Variants in CFAP74 observed in about 807,000 individuals in gnomAD.
The protein encoded by CFAP74 is cilia and flagella associated protein 74.
CFAP74 carries 124 observed loss-of-function variants against 188.9 expected under a neutral mutation model. That is an observed-to-expected ratio of 0.66 (90% CI 0.57 to 0.76). The LOEUF (loss-of-function observed/expected upper bound fraction) is 0.76. CFAP74 is among the 30% of genes least tolerant of loss of function. The pLI is 0.00. For missense variants in CFAP74, 2,198 were observed against 2,165.2 expected, an observed-to-expected ratio of 1.02 and a Z score of -0.30; for synonymous variants, 956 against 916.7, an observed-to-expected ratio of 1.04 and a Z score of -0.77.
In CFAP74 at chr1:1,923,416, G is replaced by A. The variant is rs142831649; in HGVS notation, c.4473C>T (p.Pro1491=). The change falls in exon 36 of 39, where the codon CCC becomes CCT. Residue 1491 remains proline, a synonymous_variant. Coordinates refer to ENST00000682832, the MANE Select transcript of CFAP74 (RefSeq NM_001304360.2). The surrounding 1 kb of genome is among the most constrained non-coding windows in gnomAD (Gnocchi z 6.3). ...CAGGGATCGCTGTCAGAGACTCCACGGGCACGTCCAGGGGGTCGCCGCCCT... is the reference window on the plus strand; with the variant it reads ...CAGGGATCGCTGTCAGAGACTCCACAGGCACGTCCAGGGGGTCGCCGCCCT... ...FVEGGDPLDV[P]VESLTAIPVF... 16,388 of 1,599,954 alleles carry A rather than the reference G, an allele frequency of 0.01. 90 individuals carry two copies. Among genetic ancestry groups the A allele is most frequent in the Non-Finnish European group, 0.012 (14,287 of 1,174,590 alleles).
At chr1:1,979,882 G>A (rs1388090109) in intron 6 of CFAP74, among the ~76,000 whole-genome samples, 1 of 141,682 alleles carries the variant, frequency 7.1e-6, no homozygotes, top group Non-Finnish European at 1.5e-5. Flanking sequence ...CAGAACACAC[G>A]TGTCGTGCTG....
In CFAP74 at chr1:1,987,030, TC is replaced by T; in HGVS notation, c.301del (p.Glu101SerfsTer11). On this transcript the variant is annotated frameshift_variant, in exon 5 of 39. Transcript: ENST00000682832. LOFTEE classifies it high-confidence loss of function. ...CCGCCTCTGCCGACAGGCGCGCAGCTCCCCTCTGGAACAGGGAAACAAAGGT... is the reference window on the plus strand; with the variant it reads ...CCGCCTCTGCCGACAGGCGCGCAGCTCCCTCTGGAACAGGGAAACAAAGGT... ...QELFTEKMRG[E>X]LRACRQRRDL... 6.3e-7 allele frequency: 1 copy of T among 1,596,544 alleles called. No individual in the cohort carries two copies.
chr1:1,971,329 ACCTG>A (rs1292389651), intron 9 of CFAP74, among the ~76,000 whole-genome samples: 5 of 150,508 alleles, frequency 3.3e-5, no homozygotes, highest in African/African-American at 1.2e-4. Flanking sequence ...ACACTTGCAC[ACCTG>A]CACACACGTG....
Position 1,939,733 on chromosome 1 carries a change from A to G in CFAP74, c.2738T>C (p.Val913Ala). 6.5e-7 allele frequency: 1 copy of G among 1,536,116 alleles called. No homozygotes were observed. The change falls in exon 24 of 39, where the codon GTC (valine) becomes GCC (alanine). Residue 913 changes from valine (V) to alanine (A), a missense_variant. By Grantham distance (64) the Val-to-Ala change is moderately conservative. Transcript: ENST00000682832. ...KPVGFTVHAI[V>A]TTSDLELSPS... ...ACTGAGCTCCAGGTCCGAGGTGGTG[A>G]CAATGGCATGCACGGTGAATCCCAC...
chr1:1,985,295 C>T, intron 6 of CFAP74, 91 bp downstream of exon 6: 1 of 1,115,588 alleles, frequency 9.0e-7, no homozygotes, highest in Non-Finnish European at 1.3e-6. Context: ...GGTGCAAAAC[C>T]CCCCAGATCT....
At position 1,922,392 on chromosome 1, in the gene CFAP74, G is replaced by C. The variant is rs1173946358; in HGVS notation, c.4819-4C>G. The C allele has an allele frequency of 6.2e-7, 1 of 1,603,116 alleles. No homozygotes were observed. Among genetic ancestry groups the C allele is most frequent in the Non-Finnish European group, 8.5e-7 (1 of 1,176,854 alleles). On this transcript the variant is annotated splice_region_variant and splice_polypyrimidine_tract_variant and intron_variant, in intron 38 of 38. Coordinates refer to ENST00000682832, the MANE Select transcript of CFAP74 (RefSeq NM_001304360.2). ...ACACCATGAGTGGGTGGTCTGGCTGGAACAGGAGGGGAGGGGAGAAGAGGC... is the reference window on the plus strand; with the variant it reads ...ACACCATGAGTGGGTGGTCTGGCTGCAACAGGAGGGGAGGGGAGAAGAGGC...
At chr1:1,977,714 C>T (rs1419961658) in intron 6 of CFAP74, among the ~76,000 whole-genome samples, 3 of 152,202 alleles carry the variant, frequency 2.0e-5, no homozygotes, top group Non-Finnish European at 4.4e-5. Flanking sequence ...CTGCAGGCGG[C>T]TCCCATCACA....
In CFAP74 at chr1:1,925,830, T is replaced by C; in HGVS notation, c.4057A>G (p.Asn1353Asp). 1 of 1,612,704 alleles carries C rather than the reference T, an allele frequency of 6.2e-7. No homozygotes were observed. Among genetic ancestry groups the C allele is most frequent in the South Asian group, 1.1e-5 (1 of 91,088 alleles). ...TCTCCGGCAATCACATAGCCCATGT[T>C]GAGGACGCTGCCTTCAATGGAGCAC... ...ITCSIEGSVL[N>D]MGYVIAGESV... The change falls in exon 33 of 39, where the codon AAC becomes GAC. Residue 1353 changes from asparagine (N) to aspartate (D), a missense_variant. Asn to Asp is a conservative substitution (Grantham distance 23). Transcript: ENST00000682832.
Position 1,925,819 on chromosome 1 carries a change from A to C in CFAP74, c.4068T>G (p.Tyr1356Ter). The change falls in exon 33 of 39, where the codon TAT becomes TAG. Residue 1356 changes from tyrosine (Y) to a stop codon, truncating the protein, a stop_gained. Coordinates refer to ENST00000682832, the MANE Select transcript of CFAP74 (RefSeq NM_001304360.2). LOFTEE classifies it high-confidence loss of function. ...SIEGSVLNMG[Y>*]VIAGESVSSG... ...AGGACACAGACTCTCCGGCAATCAC[A>C]TAGCCCATGTTGAGGACGCTGCCTT... The C allele has an allele frequency of 6.2e-7, 1 of 1,612,644 alleles. No individual in the cohort carries two copies. Among genetic ancestry groups the C allele is most frequent in the Non-Finnish European group, 8.5e-7 (1 of 1,179,882 alleles).
Position 1,925,841 on chromosome 1 carries a change from C to T in CFAP74, c.4046G>A (p.Gly1349Asp). Residue 1349 changes from glycine to aspartate, a missense_variant, in exon 33 of 39, where the codon GGC becomes GAC. Gly to Asp is a moderately conservative substitution (Grantham distance 94). Transcript: ENST00000682832. The part of the protein sequence containing the change: ...VASMITCSIE[G>D]SVLNMGYVIA... ...CACATAGCCCATGTTGAGGACGCTGCCTTCAATGGAGCACGTGATCATGGA... is the reference window on the plus strand; with the variant it reads ...CACATAGCCCATGTTGAGGACGCTGTCTTCAATGGAGCACGTGATCATGGA... The T allele has an allele frequency of 4.3e-6, 7 of 1,612,704 alleles. No individual in the cohort carries two copies. Among genetic ancestry groups the T allele is most frequent in the Non-Finnish European group, 5.9e-6 (7 of 1,179,926 alleles).
Position 1,985,339 on chromosome 1 carries a change from C to T in CFAP74, c.500+47G>A, listed in dbSNP as rs763133702. 1.6e-5 allele frequency: 25 copies of T among 1,526,836 alleles called. 1 individual carries two copies. Among genetic ancestry groups the T allele is most frequent in the South Asian group, 5.6e-5 (5 of 89,208 alleles). 94.6% of individuals were successfully genotyped at this position (1,526,836 alleles called of 1,614,324 possible). A position where few individuals can be genotyped will look rare whatever the true frequency, so the allele number is the denominator to read the frequency against. On this transcript the variant is annotated intron_variant, in intron 6 of 38. Transcript: ENST00000682832. ...GCCCCCAGATGGGAAGGACTCGCAC[C>T]GTTCTGGGGCCTGCCTGCTGCCAGT...
intron 20 of CFAP74, among the ~76,000 whole-genome samples, chr1:1,944,756 G>C (rs892774334): frequency 6.6e-6 from 1 of 152,030 alleles, no homozygotes; most frequent in Non-Finnish European, 1.5e-5. Flanking sequence ...ACAGGCGCCC[G>C]CCACCATGCC....
intron 9 of CFAP74, among the ~76,000 whole-genome samples, chr1:1,971,137 ATGCTCG>A (rs1655989806): frequency 6.8e-6 from 1 of 147,008 alleles, no homozygotes. Context: ...GTGCACACAC[ATGCTCG>A]CACATGCACA....
intron 27 of CFAP74, 186 bp from the exon 28 acceptor site, chr1:1,927,932 A>C (rs937229220): frequency 1.3e-5 from 8 of 614,186 alleles, no homozygotes; most frequent in Non-Finnish European, 1.7e-5. Flanking sequence ...ACAGACCCCC[A>C]CAGAGCTGCT....
At chr1:1,951,500 T>C (rs1036102191) in intron 18 of CFAP74, among the ~76,000 whole-genome samples, 43 of 152,216 alleles carry the variant, frequency 2.8e-4, no homozygotes, top group African/African-American at 1.0e-3. Flanking sequence ...TCTTGTTCCG[T>C]TGGGTCTCTA....
intron 6 of CFAP74, among the ~76,000 whole-genome samples, chr1:1,976,520 C>T (rs1656454340): frequency 6.6e-6 from 1 of 152,082 alleles, no homozygotes; most frequent in African/African-American, 2.4e-5. Context: ...CTGCAGAACC[C>T]TGACCAATCA....
At position 1,940,414 on chromosome 1, in the gene CFAP74, C is replaced by T; in HGVS notation, c.2616-11G>A. On this transcript the variant is annotated splice_polypyrimidine_tract_variant and intron_variant, in intron 22 of 38. Coordinates refer to ENST00000682832, the MANE Select transcript of CFAP74 (RefSeq NM_001304360.2). ...TCCGGGAGGGAGTGTCTGAAAGAGG[C>T]AGACAAGGCGAATGTGCTTTCCTCT... is the stretch of plus-strand genomic sequence containing the variant. 1.3e-6 allele frequency: 2 copies of T among 1,509,124 alleles called. No homozygotes were observed. Among genetic ancestry groups the T allele is most frequent in the Non-Finnish European group, 1.8e-6 (2 of 1,130,948 alleles). The allele number at this position is 1,509,124 out of a possible 1,614,324, so 93.5% of individuals were successfully genotyped here.
At position 1,939,720 on chromosome 1, in the gene CFAP74, G is replaced by A. The variant is rs1653229314; in HGVS notation, c.2751C>T (p.Asp917=). ...FTVHAIVTTS[D]LELSPSEVDF... ...CCACCTCCGAGGGACTGAGCTCCAG[G>A]TCCGAGGTGGTGACAATGGCATGCA... Residue 917 remains aspartate, a synonymous_variant, in exon 24 of 39, where the codon GAC becomes GAT. Transcript: ENST00000682832. The A allele has an allele frequency of 3.3e-6, 5 of 1,536,072 alleles. No individual in the cohort carries two copies. In the East Asian group the frequency reaches 1.2e-4, roughly 38 times the overall value.
At chr1:1,955,027 G>A (rs1297894146) in intron 18 of CFAP74, 4 of 1,135,918 alleles carry the variant, frequency 3.5e-6, no homozygotes, top group Middle Eastern at 3.7e-4. Context: ...CAGGAAGTGC[G>A]GCTCACACCG....
Sources: gnomAD v4.1 joint callset for allele counts (sites outside exome capture counted in the v4.1 genomes callset) on GRCh38, gnomAD v4.1.1 for gene constraint, Gnocchi (gnomAD v3.1) non-coding constraint, MANE v1.5 for transcripts, NCBI Gene and HGNC (gene_info 2026-07-23, HGNC 2026-07-21) for gene names.